Variants in HOXA5 observed in about 807,000 individuals in gnomAD.
HOXA5 encodes the protein homeobox protein Hox-A5.
A neutral mutation model predicts 20.0 loss-of-function variants in HOXA5; 12 were observed. The observed-to-expected ratio is 0.60, with a 90% CI of 0.38 to 0.97. The LOEUF (loss-of-function observed/expected upper bound fraction) is 0.97, where lower values mean the gene tolerates loss of function less well. Among genes scored for constraint, HOXA5 ranks in the 50% least tolerant of loss-of-function variants. HOXA5 has a pLI of 0.00. For missense variants in HOXA5, 352 were observed against 380.3 expected (o/e 0.93, Z 0.62); for synonymous variants, 159 against 157.7 (o/e 1.01, Z -0.06).
At position 27,143,230 on chromosome 7, in the gene HOXA5, G is replaced by C; in HGVS notation, c.378C>G (p.Ser126Arg). The stretch of plus-strand genomic sequence containing the variant: ...TGCTGCCGGCGTCGGCCGAGGCGCC[G>C]CTGGAGTTGCTTAGGGAGTTTTTCC... Reference protein sequence around the residue: ...HGGKNSLSNSSGASADAGSTH... With the variant: ...HGGKNSLSNSRGASADAGSTH... Residue 126 changes from serine (S) to arginine (R), a missense_variant, in exon 1 of 2, where the codon AGC becomes AGG. Around this residue, in one of 3 missense-constraint regions of HOXA5, gnomAD observed 319 missense variants for 336.5 expected, o/e 0.95. Transcript: ENST00000222726. The C allele has an allele frequency of 6.2e-7, 1 of 1,609,416 alleles. No individual in the cohort carries two copies. The highest frequency in any genetic ancestry group is 8.5e-7 in the Non-Finnish European group (1 of 1,178,902).
In HOXA5 at chr7:27,143,297, G is replaced by A. The variant is rs1190633462; in HGVS notation, c.311C>T (p.Ser104Phe). 4 of 1,602,300 alleles carry A rather than the reference G, an allele frequency of 2.5e-6. No individual in the cohort carries two copies. Among genetic ancestry groups the A allele is most frequent in the Non-Finnish European group, 3.4e-6 (4 of 1,177,046 alleles). ...GCTGCCGGGCGAGGGGGCCACGGCG[G>A]AGCAGGGCAGCGGATCGGGCTGAGG... ...HSPQPDPLPC[S>F]AVAPSPGSDS... The change falls in exon 1 of 2, where the codon TCC becomes TTC. Residue 104 changes from serine (S) to phenylalanine (F), a missense_variant. Transcript: ENST00000222726.
Sources: gnomAD v4.1 joint callset for allele counts on GRCh38, gnomAD v4.1.1 for gene constraint, gnomAD v4.1.1 regional missense constraint, MANE v1.5 for transcripts, NCBI Gene and HGNC (gene_info 2026-07-23, HGNC 2026-07-21) for gene names.